Variants in LRRC37A3 observed in about 807,000 individuals in gnomAD.
The protein encoded by LRRC37A3 is leucine rich repeat containing 37 member A3, also known as leucine-rich repeat-containing protein 37A3.
A neutral mutation model predicts 106.2 loss-of-function variants in LRRC37A3; 25 were observed. The ratio of observed to expected loss-of-function variants is 0.24; its 90% confidence interval spans 0.17 to 0.33. The LOEUF (loss-of-function observed/expected upper bound fraction) is 0.33, where lower values mean the gene tolerates loss of function less well. Ranked by LOEUF, LRRC37A3 falls within the 10% of genes least tolerant of loss-of-function variation. The probability of loss-of-function intolerance (pLI) is 1.00; values close to 1 mark genes in which losing one functional copy is unlikely to be tolerated. For missense variants in LRRC37A3, 712 were observed against 1,644.9 expected, an observed-to-expected ratio of 0.43 and a Z score of 9.81; for synonymous variants, 305 against 635.8, an observed-to-expected ratio of 0.48 and a Z score of 7.83.
intron 8 of LRRC37A3, among the ~76,000 whole-genome samples, chr17:64,883,437 G>A (rs1289233203): frequency 1.3e-5 from 2 of 150,664 alleles, no homozygotes; most frequent in Non-Finnish European, 1.5e-5. Flanking sequence ...TGTGGGGCCT[G>A]AGCCTTATCT....
At chr17:64,909,538 G>C (rs1486707871) in intron 2 of LRRC37A3, 2 of 152,144 alleles carry the variant, frequency 1.3e-5, no homozygotes. Context: ...CAGAATCCCA[G>C]GTGAAGCTCA....
chr17:64,915,554 T>C (rs1342133212), intron 2 of LRRC37A3, among the ~76,000 whole-genome samples: 1 of 152,256 alleles, frequency 6.6e-6, no homozygotes, highest in Non-Finnish European at 1.5e-5. Flanking sequence ...CTGAAATATT[T>C]ACTATCTGAC....
chr17:64,859,796 C>A lies in LRRC37A3; in HGVS notation c.4350G>T (p.Val1450=), dbSNP rs1972806784. ...QTETKWEYNN[V]GTDLSPEPKS... ...TGGGCTCGGGGGACAGGTCAGTGCC[C>A]ACGTTGTTGTATTCCCATTTTGTCT... The change falls in exon 12 of 15, where the codon GTG becomes GTT. Residue 1450 remains valine (V), a synonymous_variant. Transcript: ENST00000584306. 6.2e-7 allele frequency: 1 copy of A among 1,612,010 alleles called. No individual in the cohort carries two copies. Among genetic ancestry groups the A allele is most frequent in the African/African-American group, 1.3e-5 (1 of 74,698 alleles).
intron 10 of LRRC37A3, among the ~76,000 whole-genome samples, chr17:64,864,066 C>T (rs925481349): frequency 1.3e-5 from 2 of 149,096 alleles, no homozygotes; most frequent in African/African-American, 5.0e-5. Context: ...TGGGCTCAGG[C>T]AATCCTCCCA....
At chr17:64,919,017 G>A in intron 1 of LRRC37A3, 147 bp from the exon 2 acceptor site, 10 of 1,225,326 alleles carry the variant, frequency 8.2e-6, no homozygotes, top group Non-Finnish European at 1.0e-5. Flanking sequence ...GCTGGGGTGG[G>A]GCTGGCGGCG....
At chr17:64,877,935 G>A (rs1973570401) in intron 8 of LRRC37A3, among the ~76,000 whole-genome samples, 1 of 151,904 alleles carries the variant, frequency 6.6e-6, no homozygotes, top group Non-Finnish European at 1.5e-5. Flanking sequence ...AATGGTGCTG[G>A]AACAACTGAA....
At chr17:64,901,151 G>A (rs1974298485) in intron 2 of LRRC37A3, 1 of 148,880 alleles carries the variant, frequency 6.7e-6, no homozygotes, top group Non-Finnish European at 1.5e-5. Context: ...GAGTCATCAT[G>A]TCTGGTCTCA....
intron 2 of LRRC37A3, among the ~76,000 whole-genome samples, chr17:64,916,437 G>T (rs561144923): frequency 2.6e-5 from 4 of 151,952 alleles, no homozygotes; most frequent in South Asian, 2.1e-4. Flanking sequence ...AATAAAAGAA[G>T]AATAACAATA....
rs774702991 is a variant in LRRC37A3 at position 64,858,848 on chromosome 17, T to C, written c.4740A>G (p.Lys1580=). Residue 1580 remains lysine, a synonymous_variant, in exon 13 of 15, where the codon AAA becomes AAG. Transcript: ENST00000584306. ...TKELPGYGYT[K]KLILALIVTG... ...TCACAATTAACGCCAAGATGAGTTT[T>C]TTGGTATAGCCATATCCTGGAAGTT... 3 of 1,613,832 alleles carry C rather than the reference T, an allele frequency of 1.9e-6. No homozygotes were observed. In the Admixed American group the frequency reaches 5.0e-5, roughly 27 times the overall value.
In LRRC37A3 at chr17:64,898,428, A is replaced by G. The variant is rs1974200360; in HGVS notation, c.-464T>C. 1 of 241,264 alleles carries G rather than the reference A, an allele frequency of 4.1e-6. No homozygotes were observed. The highest frequency in any genetic ancestry group is 2.0e-4 in the East Asian group (1 of 5,090). The allele number at this position is 241,264 out of a possible 1,614,324, so 14.9% of individuals were successfully genotyped here. A position where few individuals can be genotyped will look rare whatever the true frequency, so the allele number is the denominator to read the frequency against. ...CTTGAACCTGGGAGGCAGAGGTTGC[A>G]GTGAGCCGAGATCACAACATTGCAC... On this transcript the variant is annotated 5_prime_UTR_variant, in exon 3 of 15. Transcript: ENST00000584306.
At chr17:64,877,945 A>C (rs953568141) in intron 8 of LRRC37A3, among the ~76,000 whole-genome samples, 2 of 152,172 alleles carry the variant, frequency 1.3e-5, no homozygotes, top group Non-Finnish European at 2.9e-5. Context: ...GAACAACTGA[A>C]CATCTATGTG....
In LRRC37A3 at chr17:64,918,872, TA is replaced by T; in HGVS notation, c.-616-3del. The T allele has an allele frequency of 5.8e-6, 3 of 515,528 alleles. No homozygotes were observed. The highest frequency in any genetic ancestry group is 9.1e-6 in the Non-Finnish European group (3 of 328,836). 31.9% of individuals were successfully genotyped at this position (515,528 alleles called of 1,614,324 possible). A position where few individuals can be genotyped will look rare whatever the true frequency, so the allele number is the denominator to read the frequency against. On this transcript the variant is annotated splice_region_variant and splice_polypyrimidine_tract_variant and intron_variant, in intron 1 of 14. Transcript: ENST00000584306. ...CAACACGGTGAAACTCCATCTCTAC[TA>T]AAAAATACAAAAAATTAGCTGGGTG... is the stretch of plus-strand genomic sequence containing the variant.
rs150642373 is a variant in LRRC37A3, at chr17:64,859,713, G to A, written c.4433C>T (p.Thr1478Ile). The A allele has an allele frequency of 4.1e-4, 661 of 1,613,636 alleles. 4 individuals are homozygous for A. In the African/African-American group the frequency reaches 8.0e-3, roughly 19 times the overall value. The change falls in exon 12 of 15, where the codon ACC becomes ATC. Residue 1478 changes from threonine (T) to isoleucine (I), a missense_variant. By Grantham distance (89) the Thr-to-Ile change is moderately conservative (BLOSUM62 -1). Coordinates refer to ENST00000584306, the MANE Select transcript of LRRC37A3 (RefSeq NM_199340.5). ...SPGDQFEIQL[T>I]QQLQSVIPNN... ...GGGGATAACGGACTGCAGCTGCTGG[G>A]TTAGCTGAATTTCAAACTGATCACC...
chr17:64,888,453 T>C (rs1973891006), intron 6 of LRRC37A3, among the ~76,000 whole-genome samples: 1 of 150,496 alleles, frequency 6.6e-6, no homozygotes, highest in African/African-American at 2.5e-5. Flanking sequence ...GGACTAGGTC[T>C]TGCTCATCTG....
chr17:64,903,783 T>G (rs2143598713), intron 2 of LRRC37A3, among the ~76,000 whole-genome samples: 1 of 152,128 alleles, frequency 6.6e-6, no homozygotes, highest in Admixed American at 6.5e-5. Flanking sequence ...AGTTATCAAT[T>G]GAGTACCCTT....
intron 14 of LRRC37A3, 65 bp downstream of exon 14, chr17:64,855,775 C>T (rs1320367122): frequency 8.1e-6 from 13 of 1,606,426 alleles, no homozygotes; most frequent in South Asian, 7.7e-5. Context: ...GCACTCCAGC[C>T]TGGCAACAAG....
chr17:64,893,605 T>C (rs967060569), intron 4 of LRRC37A3, among the ~76,000 whole-genome samples: 3 of 137,468 alleles, frequency 2.2e-5, no homozygotes, highest in African/African-American at 9.3e-5. Context: ...CTTAATTATA[T>C]ATACCTCCCT....
At chr17:64,859,021 A>G (rs1972774672) in intron 12 of LRRC37A3, 138 bp from the exon 13 acceptor site, 1 of 685,834 alleles carries the variant, frequency 1.5e-6, no homozygotes, top group Non-Finnish European at 2.5e-6. Flanking sequence ...TGGTGCAATC[A>G]CCATTCACTA....
Position 64,854,464 on chromosome 17 carries a change from A to C in LRRC37A3, c.*135T>G. 1 of 1,259,610 alleles carries C rather than the reference A, an allele frequency of 7.9e-7. No individual in the cohort carries two copies. The highest frequency in any genetic ancestry group is 2.4e-5 in the East Asian group (1 of 42,250). The allele number at this position is 1,259,610 out of a possible 1,614,324, so 78.0% of individuals were successfully genotyped here. ...AATTAGACTGGGAAACAAGGGCAGGAACGATGGCCCTGTGCTTGCTCTGCC... is the reference window on the plus strand; with the variant it reads ...AATTAGACTGGGAAACAAGGGCAGGCACGATGGCCCTGTGCTTGCTCTGCC... On this transcript the variant is annotated 3_prime_UTR_variant, in exon 15 of 15. Transcript: ENST00000584306.
Sources: allele counts gnomAD v4.1 joint callset (sites outside exome capture counted in the v4.1 genomes callset), GRCh38; gene constraint gnomAD v4.1.1; transcripts MANE v1.5; gene names NCBI Gene and HGNC (gene_info 2026-07-23, HGNC 2026-07-21).